EMD: variants seen among roughly 807,000 people sequenced by gnomAD.
EMD encodes emerin.
EMD carries 2 observed loss-of-function variants against 15.2 expected under a neutral mutation model. That is an observed-to-expected ratio of 0.13 (90% CI 0.05 to 0.41). The LOEUF (loss-of-function observed/expected upper bound fraction) is 0.41, where lower values mean the gene tolerates loss of function less well. Ranked by LOEUF, EMD falls within the 10% of genes least tolerant of loss-of-function variation. The pLI, the probability that EMD is intolerant of heterozygous loss-of-function variation, is 0.99. For synonymous variants in EMD, 122 were observed against 86.2 expected, an observed-to-expected ratio of 1.42 and a Z score of -2.30; for missense variants, 224 against 213.4, an observed-to-expected ratio of 1.05 and a Z score of -0.31.
intron 1 of EMD, 38 bp downstream of exon 1, chrX:154,379,604 C>T (rs948026938): frequency 9.3e-6 from 11 of 1,181,116 alleles, no homozygotes; most frequent in Non-Finnish European, 1.3e-5. Context: ...CGGGCCCCCT[C>T]CTCGTGCTCC....
At chrX:154,380,476 C>G in intron 4 of EMD, 109 bp downstream of exon 4, 2 of 1,122,482 alleles carry the variant, frequency 1.8e-6, no homozygotes, top group African/African-American at 1.8e-5. Context: ...CTTGGGCCTC[C>G]GGGGAGACTC....
chrX:154,379,777 C>T lies in EMD; in HGVS notation c.170C>T (p.Ser57Phe), dbSNP rs782713376. The change falls in exon 2 of 6, where the codon TCC becomes TTC. Residue 57 changes from serine (S) to phenylalanine (F), a missense_variant. Transcript: ENST00000369842. The stretch of plus-strand genomic sequence containing the variant: ...TCGCCCCCCAGCTCGTCCGCCGCCT[C>T]CTCTTATAGCTTCTCTGGTGAGAGC... The part of the protein sequence containing the change: ...RLSPPSSSAA[S>F]SYSFSDLNST... The T allele has an allele frequency of 5.0e-6, 6 of 1,204,502 alleles. No individual in the cohort carries two copies. The highest frequency in any genetic ancestry group is 2.2e-5 in the Admixed American group (1 of 45,365).
Position 154,381,278 on chromosome X carries a change from T to A in EMD, c.*81T>A. ...ACTGCCTTAGCAGTGGGGGTGGGGG[T>A]GGGGGCAGGGGCAGGGGCTTTATGT... is the stretch of plus-strand genomic sequence containing the variant. On this transcript the variant is annotated 3_prime_UTR_variant, in exon 6 of 6. Coordinates refer to ENST00000369842, the MANE Select transcript of EMD (RefSeq NM_000117.3). The A allele has an allele frequency of 5.3e-5, 2 of 37,942 alleles. No homozygotes were observed. Among genetic ancestry groups the A allele is most frequent in the African/African-American group, 5.1e-4 (1 of 1,946 alleles). 3.1% of individuals were successfully genotyped at this position (37,942 alleles called of 1,213,427 possible).
rs1326281858 is a variant in EMD, at chrX:154,380,451, G to C, written c.399+84G>C. 3.4e-6 allele frequency: 4 copies of C among 1,185,571 alleles called. No individual in the cohort carries two copies. The Admixed American group carries it at 8.8e-5, about 26-fold the overall frequency. ...TTGGATAAATCCAGGGGGGCACTGG[G>C]TACAAATGGTGGCTCTTGGGCCTCC... On this transcript the variant is annotated intron_variant, in intron 4 of 5. Transcript: ENST00000369842.
Position 154,380,814 on chromosome X carries a change from G to A in EMD, c.449+12G>A, listed in dbSNP as rs1557182578. 8.3e-7 allele frequency: 1 copy of A among 1,211,982 alleles called. No individual in the cohort carries two copies. On this transcript the variant is annotated intron_variant, in intron 5 of 5. Coordinates refer to ENST00000369842, the MANE Select transcript of EMD (RefSeq NM_000117.3). The stretch of plus-strand genomic sequence containing the variant: ...GAGTGCAAGGATAGGTGCGTAGTGG[G>A]GGAGCCCAGGGACGGGCTGGTTCTG...
intron 4 of EMD, 157 bp downstream of exon 4, chrX:154,380,524 A>C: frequency 5.2e-6 from 5 of 958,022 alleles, no homozygotes; most frequent in Non-Finnish European, 7.3e-6. Flanking sequence ...ATCTAGGCTC[A>C]GACTCTTCCT....
In EMD at chrX:154,381,123, C is replaced by G; in HGVS notation, c.691C>G (p.Leu231Val). The G allele has an allele frequency of 3.3e-6, 4 of 1,212,104 alleles. No homozygotes were observed. Among genetic ancestry groups the G allele is most frequent in the Non-Finnish European group, 4.5e-6 (4 of 895,517 alleles). The change falls in exon 6 of 6, where the codon CTT becomes GTT. Residue 231 changes from leucine to valine, a missense_variant. Transcript: ENST00000369842. ...GGTCCCGCTCTGGGGCCAGCTGCTG[C>G]TTTTCCTGGTCTTTGTGATCGTCCT... ...RQVPLWGQLL[L>V]FLVFVIVLFF...
intron 1 of EMD, 51 bp from the exon 2 acceptor site, chrX:154,379,639 C>G: frequency 8.3e-7 from 1 of 1,200,442 alleles, no homozygotes; most frequent in Non-Finnish European, 1.1e-6. Flanking sequence ...CCGCTGCCCT[C>G]CCCGCGCGCC....
In EMD at chrX:154,380,023, A is replaced by G; in HGVS notation, c.265+4A>G. 1.7e-6 allele frequency: 2 copies of G among 1,210,786 alleles called. No homozygotes were observed. The highest frequency in any genetic ancestry group is 2.2e-6 in the Non-Finnish European group (2 of 894,426). ...GCTTTACTCTACCAGAGCAAGGGTA[A>G]GGCAGGGGTTGGGTGGGCACGCTGG... On this transcript the variant is annotated splice_donor_region_variant and intron_variant, in intron 3 of 5. Transcript: ENST00000369842.
chrX:154,381,422 T>C lies in EMD; in HGVS notation c.*225T>C, dbSNP rs782495286. The C allele has an allele frequency of 1.1e-3, 476 of 423,734 alleles. 1 individual carries two copies. The highest frequency in any genetic ancestry group is 0.01 in the African/African-American group (404 of 40,333). 34.9% of individuals were successfully genotyped at this position (423,734 alleles called of 1,213,427 possible). On this transcript the variant is annotated 3_prime_UTR_variant, in exon 6 of 6. Transcript: ENST00000369842. ...GGTCCTCTTTGTCATTTTGTTGACA[T>C]GCATTCCTCCTTTTGTCATCTTGTT...
chrX:154,380,801 A>G lies in EMD; in HGVS notation c.448A>G (p.Arg150Gly). 8.3e-7 allele frequency: 1 copy of G among 1,211,938 alleles called. No homozygotes were observed. The highest frequency in any genetic ancestry group is 1.1e-6 in the Non-Finnish European group (1 of 895,540). Residue 150 changes from arginine (R) to glycine (G), a missense_variant and splice_region_variant, in exon 5 of 6, where the codon AGG becomes GGG. Physicochemically the swap from Arg to Gly is moderately radical, Grantham distance 125 (BLOSUM62 -2). Coordinates refer to ENST00000369842, the MANE Select transcript of EMD (RefSeq NM_000117.3). ...TTCTTCTGAAGAGGAGTGCAAGGATAGGTGCGTAGTGGGGGAGCCCAGGGA... is the reference window on the plus strand; with the variant it reads ...TTCTTCTGAAGAGGAGTGCAAGGATGGGTGCGTAGTGGGGGAGCCCAGGGA... ...LSSSEEECKD[R>G]ERPMYGRDSA...
At position 154,381,400 on chromosome X, in the gene EMD, C is replaced by T; in HGVS notation, c.*203C>T. 4.4e-6 allele frequency: 2 copies of T among 452,660 alleles called. No homozygotes were observed. Among genetic ancestry groups the T allele is most frequent in the Non-Finnish European group, 7.3e-6 (2 of 274,088 alleles). 37.3% of individuals were successfully genotyped at this position (452,660 alleles called of 1,213,427 possible). On this transcript the variant is annotated 3_prime_UTR_variant, in exon 6 of 6. Coordinates refer to ENST00000369842, the MANE Select transcript of EMD (RefSeq NM_000117.3). ...GCAGCAGACTCAGGCCCTCCATGGT[C>T]CTCTTTGTCATTTTGTTGACATGCA...
intron 4 of EMD, 79 bp downstream of exon 4, chrX:154,380,446 A>G (rs910113421): frequency 8.4e-7 from 1 of 1,194,949 alleles, no homozygotes; most frequent in Non-Finnish European, 1.1e-6. Flanking sequence ...CCAGGGGGGC[A>G]CTGGGTACAA....
intron 3 of EMD, 55 bp from the exon 4 acceptor site, chrX:154,380,179 A>C (rs1301317287): frequency 1.7e-6 from 2 of 1,202,959 alleles, no homozygotes; most frequent in Non-Finnish European, 2.2e-6. Context: ...TAGGGCCATC[A>C]GGCCAGGCGG....
chrX:154,379,669 G>T lies in EMD; in HGVS notation c.83-21G>T, dbSNP rs201927313. Reference sequence around the variant, plus strand: ...CGCGCCTTCCCCGGCCCGCGGCCCTGACCGCCCCGTGTCCGGCCAGGATCA... The same window carrying T: ...CGCGCCTTCCCCGGCCCGCGGCCCTTACCGCCCCGTGTCCGGCCAGGATCA... On this transcript the variant is annotated intron_variant, in intron 1 of 5. Coordinates refer to ENST00000369842, the MANE Select transcript of EMD (RefSeq NM_000117.3). 45 of 1,206,028 alleles carry T rather than the reference G, an allele frequency of 3.7e-5. No individual in the cohort carries two copies. In the African/African-American group the frequency reaches 6.4e-4, roughly 17 times the overall value.
rs782577051 is a variant in EMD, at chrX:154,379,672, C to T, written c.83-18C>T. 1 of 1,206,970 alleles carries T rather than the reference C, an allele frequency of 8.3e-7. No homozygotes were observed. The highest frequency in any genetic ancestry group is 1.8e-5 in the South Asian group (1 of 56,806). On this transcript the variant is annotated intron_variant, in intron 1 of 5. Transcript: ENST00000369842. ...GCCTTCCCCGGCCCGCGGCCCTGAC[C>T]GCCCCGTGTCCGGCCAGGATCAACT... is the stretch of plus-strand genomic sequence containing the variant.
rs886044810 is a variant in EMD, at chrX:154,380,806, C to T, written c.449+4C>T. ...CTGAAGAGGAGTGCAAGGATAGGTG[C>T]GTAGTGGGGGAGCCCAGGGACGGGC... On this transcript the variant is annotated splice_donor_region_variant and intron_variant, in intron 5 of 5. Transcript: ENST00000369842. 6 of 1,211,892 alleles carry T rather than the reference C, an allele frequency of 5.0e-6. No individual in the cohort carries two copies. Among genetic ancestry groups the T allele is most frequent in the African/African-American group, 1.7e-5 (1 of 57,856 alleles).
chrX:154,380,579 T>A (rs934988088), intron 4 of EMD, 174 bp from the exon 5 acceptor site: 10 of 833,113 alleles, frequency 1.2e-5, no homozygotes, highest in Non-Finnish European at 1.7e-5. Context: ...TGAGCACAAG[T>A]GGCAAGGCCC....
rs1557182683 is a variant in EMD at position 154,381,092 on chromosome X, T to C, written c.660T>C (p.Asp220=). The C allele has an allele frequency of 8.3e-7, 1 of 1,212,056 alleles. No homozygotes were observed. Among genetic ancestry groups the C allele is most frequent in the South Asian group, 1.8e-5 (1 of 57,003 alleles). ...CTCCTGGGGCTGGGCTGGGCCAGGA[T>C]CGCCAGGTCCCGCTCTGGGGCCAGC... is the stretch of plus-strand genomic sequence containing the variant. ...NRAPGAGLGQ[D]RQVPLWGQLL... Residue 220 remains aspartate (D), a synonymous_variant, in exon 6 of 6, where the codon GAT becomes GAC. Transcript: ENST00000369842.
Sources: gnomAD v4.1 joint callset for allele counts on GRCh38, gnomAD v4.1.1 for gene constraint, MANE v1.5 for transcripts, NCBI Gene and HGNC (gene_info 2026-07-23, HGNC 2026-07-21) for gene names.